Variants in GRIP1 observed in about 807,000 individuals in gnomAD.
GRIP1 encodes the protein glutamate receptor-interacting protein 1.
GRIP1 carries 45 observed loss-of-function variants against 129.9 expected under a neutral mutation model. That is an observed-to-expected ratio of 0.35 (90% CI 0.27 to 0.44). The LOEUF is 0.44. Ranked by LOEUF, GRIP1 falls within the 20% of genes least tolerant of loss-of-function variation. GRIP1 has a pLI of 1.00. For synonymous variants in GRIP1, 530 were observed against 520.8 expected, an observed-to-expected ratio of 1.02 and a Z score of -0.24; for missense variants, 1,196 against 1,396.8, an observed-to-expected ratio of 0.86 and a Z score of 2.29.
chr12:66,833,147 A>G (rs2039548547), intron 1 of GRIP1, among the ~76,000 whole-genome samples: 1 of 152,168 alleles, frequency 6.6e-6, no homozygotes, highest in Non-Finnish European at 1.5e-5. Flanking sequence ...CTGCCACAAG[A>G]CATGGTGTTA....
chr12:66,485,456 T>C (rs2059927979), intron 7 of GRIP1, among the ~76,000 whole-genome samples: 1 of 151,410 alleles, frequency 6.6e-6, no homozygotes, highest in Non-Finnish European at 1.5e-5. Flanking sequence ...AACTAAAAAA[T>C]AATTTCAAAA....
chr12:66,514,135 A>C (rs2060778461), intron 7 of GRIP1, among the ~76,000 whole-genome samples: 1 of 152,068 alleles, frequency 6.6e-6, no homozygotes, highest in Non-Finnish European at 1.5e-5. Flanking sequence ...TTGTTTGGTA[A>C]TATTCTTGTT....
intron 1 of GRIP1, among the ~76,000 whole-genome samples, chr12:66,908,131 T>C (rs1026846072): frequency 3.3e-5 from 5 of 152,232 alleles, no homozygotes; most frequent in African/African-American, 1.2e-4. Flanking sequence ...AAATGGAAGA[T>C]ATGATTTCCA....
At chr12:66,459,127 C>T (rs2059058685) in intron 9 of GRIP1, among the ~76,000 whole-genome samples, 1 of 152,160 alleles carries the variant, frequency 6.6e-6, no homozygotes, top group African/African-American at 2.4e-5. Context: ...TAAATATATC[C>T]TAGCAACTAG....
At chr12:66,370,422 C>T (rs929797638) in intron 23 of GRIP1, among the ~76,000 whole-genome samples, 4 of 152,220 alleles carry the variant, frequency 2.6e-5, no homozygotes, top group Admixed American at 2.0e-4. Context: ...CAGAACCCAA[C>T]TTCCCATACT....
intron 7 of GRIP1, among the ~76,000 whole-genome samples, chr12:66,482,100 GAA>G (rs2059823230): frequency 6.6e-6 from 1 of 151,978 alleles, no homozygotes. Context: ...AGTATAATAA[GAA>G]TAATAAATAT....
chr12:66,655,398 C>G (rs1324080497), intron 1 of GRIP1, among the ~76,000 whole-genome samples: 1 of 152,108 alleles, frequency 6.6e-6, no homozygotes, highest in Non-Finnish European at 1.5e-5. Context: ...TCCTGCCCTG[C>G]CACATGTGCA....
At chr12:66,393,773 T>C (rs961241559) in intron 17 of GRIP1, among the ~76,000 whole-genome samples, 1 of 152,162 alleles carries the variant, frequency 6.6e-6, no homozygotes, top group Non-Finnish European at 1.5e-5. Context: ...TTGTTTCCCA[T>C]AATCCTTGAA....
chr12:66,815,854 T>TTCTTTCTTTCTTTCTTTCTTTCTCTCTC (rs1555241802), intron 1 of GRIP1, among the ~76,000 whole-genome samples: 77 of 116,796 alleles, frequency 6.6e-4, no homozygotes, highest in East Asian at 1.5e-3. Context: ...CTTTCTTTCT[T>TTCTTTCTTTCTTTCTTTCTTTCTCTCTC]TCTCTCTCTC....
chr12:66,514,476 C>T (rs1476363574), intron 7 of GRIP1, among the ~76,000 whole-genome samples: 1 of 151,540 alleles, frequency 6.6e-6, no homozygotes, highest in South Asian at 2.1e-4. Flanking sequence ...GAAAACAGAA[C>T]CCAAATCATC....
At position 66,379,541 on chromosome 12, in the gene GRIP1, A is replaced by G. The variant is rs906244480; in HGVS notation, c.2465-105T>C. ...GAGTCAAATTATAACGGCAATGACA[A>G]TAACAATAGTGAACACATAGTGTGT... is the stretch of plus-strand genomic sequence containing the variant. On this transcript the variant is annotated intron_variant, in intron 19 of 24. Transcript: ENST00000359742. 40 of 1,095,294 alleles carry G rather than the reference A, an allele frequency of 3.7e-5. No individual in the cohort carries two copies. In the African/African-American group the frequency reaches 5.5e-4, roughly 15 times the overall value. The allele number at this position is 1,095,294 out of a possible 1,614,324, so 67.8% of individuals were successfully genotyped here.
chr12:66,501,633 C>A (rs1260834571), intron 7 of GRIP1, among the ~76,000 whole-genome samples: 1 of 152,180 alleles, frequency 6.6e-6, no homozygotes, highest in East Asian at 1.9e-4. Flanking sequence ...AATACATATA[C>A]ATGACCTCAA....
chr12:67,049,910 T>TA (rs140624900), intron 1 of GRIP1, among the ~76,000 whole-genome samples: 4,583 of 150,172 alleles, frequency 0.031, 76 homozygotes, highest in Middle Eastern at 0.063. Flanking sequence ...AAATAATTGG[T>TA]AAAAAAAAGT....
Position 66,348,883 on chromosome 12 carries a change from G to A in GRIP1, c.*136C>T. ...AGGGAAGTGAACATGAGCCATGAGAGAGATTTAAAAGACCCCTGTGCTTGC... is the reference window on the plus strand; with the variant it reads ...AGGGAAGTGAACATGAGCCATGAGAAAGATTTAAAAGACCCCTGTGCTTGC... On this transcript the variant is annotated 3_prime_UTR_variant, in exon 25 of 25. Transcript: ENST00000359742. 2.6e-6 allele frequency: 2 copies of A among 761,962 alleles called. No individual in the cohort carries two copies. The highest frequency in any genetic ancestry group is 4.8e-6 in the Non-Finnish European group (2 of 418,952). The allele number at this position is 761,962 out of a possible 1,614,324, so 47.2% of individuals were successfully genotyped here.
intron 1 of GRIP1, among the ~76,000 whole-genome samples, chr12:66,900,474 C>T (rs539951401): frequency 3.1e-4 from 47 of 152,284 alleles, no homozygotes; most frequent in Non-Finnish European, 6.0e-4. Context: ...GACTTCCTAG[C>T]CTCCGGAACT....
chr12:66,961,172 C>G (rs2041915834), intron 1 of GRIP1, among the ~76,000 whole-genome samples: 1 of 151,912 alleles, frequency 6.6e-6, no homozygotes, highest in African/African-American at 2.4e-5. Flanking sequence ...TTTGCAATAC[C>G]AGCACTTGGC....
intron 1 of GRIP1, among the ~76,000 whole-genome samples, chr12:66,940,899 G>GA (rs898330787): frequency 9.2e-5 from 14 of 151,790 alleles, no homozygotes; most frequent in African/African-American, 2.9e-4. Flanking sequence ...ATTCTTTGTG[G>GA]AAAAAAAGTG....
In GRIP1 at chr12:66,643,482, T is replaced by C. The variant is rs56867383; in HGVS notation, c.55+35368A>G. Among the ~76,000 whole-genome samples the C allele has an allele frequency of 4.1e-3, 632 of 152,314 alleles. 9 individuals are homozygous for C. The highest frequency in any genetic ancestry group is 0.014 in the African/African-American group (583 of 41,576). Reference sequence around the variant, plus strand: ...AAACAAGGTTATAGCATAGTGGGGATAGTACAATTCTGAAATACATATTTG... The same window carrying C: ...AAACAAGGTTATAGCATAGTGGGGACAGTACAATTCTGAAATACATATTTG... On this transcript the variant is annotated intron_variant, in intron 1 of 24. Transcript: ENST00000359742.
chr12:66,668,901 G>T (rs572830236), intron 1 of GRIP1, among the ~76,000 whole-genome samples: 8 of 152,260 alleles, frequency 5.3e-5, no homozygotes, highest in Admixed American at 2.0e-4. Flanking sequence ...AGTAAGCCAA[G>T]ATTGCACCAC....
Sources: gnomAD v4.1 joint callset for allele counts (sites outside exome capture counted in the v4.1 genomes callset) on GRCh38, gnomAD v4.1.1 for gene constraint, MANE v1.5 for transcripts, NCBI Gene and HGNC (gene_info 2026-07-23, HGNC 2026-07-21) for gene names.